ZNF385B: variants seen among roughly 807,000 people sequenced by gnomAD.
ZNF385B encodes the protein zinc finger protein 533.
In ZNF385B, 23 loss-of-function variants were observed where a neutral mutation model predicts 39.2. The ratio of observed to expected loss-of-function variants is 0.59; its 90% CI spans 0.42 to 0.83. The LOEUF (loss-of-function observed/expected upper bound fraction) is 0.83. Among genes scored for constraint, ZNF385B ranks in the 40% least tolerant of loss-of-function variants. The pLI, the probability that ZNF385B is intolerant of heterozygous loss-of-function variation, is 0.00. For missense variants in ZNF385B, 552 were observed against 598.9 expected, an observed-to-expected ratio of 0.92 and a Z score of 0.82; for synonymous variants, 205 against 222.6, an observed-to-expected ratio of 0.92 and a Z score of 0.70.
chr2:179,743,623 C>G (rs952468492), intron 3 of ZNF385B, among the ~76,000 whole-genome samples: 2 of 152,094 alleles, frequency 1.3e-5, no homozygotes, highest in Non-Finnish European at 2.9e-5. Context: ...AAAATAAATA[C>G]TCCACTAAAT....
chr2:179,833,850 G>A (rs1708108132), intron 1 of ZNF385B, among the ~76,000 whole-genome samples: 1 of 152,090 alleles, frequency 6.6e-6, no homozygotes, highest in African/African-American at 2.4e-5. Context: ...GTAACTTGTG[G>A]ACATAGCGTA....
chr2:179,493,209 T>C (rs1210457732), intron 5 of ZNF385B, among the ~76,000 whole-genome samples: 2 of 152,098 alleles, frequency 1.3e-5, no homozygotes, highest in Admixed American at 1.3e-4. Context: ...CACTGTTTTA[T>C]TATGTATCAT....
At chr2:179,580,240 C>T (rs1515309) in intron 3 of ZNF385B, among the ~76,000 whole-genome samples, 92,052 of 151,948 alleles carry the variant, frequency 0.61, 29,013 homozygotes, top group East Asian at 0.9. Context: ...TTCTTAACAT[C>T]TTATAACTCC....
chr2:179,545,053 T>C, intron 3 of ZNF385B, 84 bp from the exon 4 acceptor site: 1 of 1,566,558 alleles, frequency 6.4e-7, no homozygotes, highest in East Asian at 2.3e-5. Flanking sequence ...AACAAGTCTG[T>C]TGAGCTGCAA....
chr2:179,623,909 T>C (rs1477577367), intron 3 of ZNF385B, among the ~76,000 whole-genome samples: 1 of 152,204 alleles, frequency 6.6e-6, no homozygotes, highest in East Asian at 1.9e-4. Flanking sequence ...AAAGAGTTGT[T>C]AGACTTAAAA....
At chr2:179,491,787 C>T (rs986046674) in intron 5 of ZNF385B, among the ~76,000 whole-genome samples, 1 of 152,162 alleles carries the variant, frequency 6.6e-6, no homozygotes, top group African/African-American at 2.4e-5. Context: ...CAACCTCAGA[C>T]TCCTGGGCTC....
intron 8 of ZNF385B, 97 bp downstream of exon 8, chr2:179,445,453 T>C: frequency 8.0e-7 from 1 of 1,247,716 alleles, no homozygotes; most frequent in South Asian, 1.5e-5. Flanking sequence ...TTAGTCAACT[T>C]AACTGTGAGC....
At chr2:179,831,434 C>A (rs1707979676) in intron 1 of ZNF385B, among the ~76,000 whole-genome samples, 1 of 147,962 alleles carries the variant, frequency 6.8e-6, no homozygotes, top group African/African-American at 2.5e-5. Flanking sequence ...GAAGATCCAG[C>A]AAAACTGCAT....
chr2:179,853,900 G>T (rs956444339), intron 1 of ZNF385B, among the ~76,000 whole-genome samples: 5 of 152,164 alleles, frequency 3.3e-5, no homozygotes, highest in Non-Finnish European at 7.4e-5. Flanking sequence ...CACAAAATAT[G>T]ACTTCAGAAC....
At chr2:179,734,777 T>C (rs1272709077) in intron 3 of ZNF385B, among the ~76,000 whole-genome samples, 1 of 152,206 alleles carries the variant, frequency 6.6e-6, no homozygotes, top group Admixed American at 6.5e-5. Flanking sequence ...ATATGTATAC[T>C]GCCTGAGTGT....
chr2:179,811,541 G>A (rs1182631616), intron 1 of ZNF385B, among the ~76,000 whole-genome samples: 1 of 152,092 alleles, frequency 6.6e-6, no homozygotes, highest in Non-Finnish European at 1.5e-5. Context: ...ACAAAAATAA[G>A]CAATGGGAAA....
Position 179,488,301 on chromosome 2 carries a change from C to A in ZNF385B, c.553-4867G>T, listed in dbSNP as rs532550509. Among the ~76,000 whole-genome samples, 23 of 152,258 alleles carry A rather than the reference C, an allele frequency of 1.5e-4. 1 individual carries two copies. The highest frequency in any genetic ancestry group is 5.5e-4 in the African/African-American group (23 of 41,560). ...CTGGGACTACAGGCATGTGCCACCA[C>A]GCCCGGCTAATTTTTTTGTATTTTA... On this transcript the variant is annotated intron_variant, in intron 5 of 9. Coordinates refer to ENST00000410066, the MANE Select transcript of ZNF385B (RefSeq NM_152520.6).
In ZNF385B at chr2:179,570,675, T is replaced by C. The variant is rs190229034; in HGVS notation, c.299-25706A>G. Among the ~76,000 whole-genome samples, 9 of 152,370 alleles carry C rather than the reference T, an allele frequency of 5.9e-5. No homozygotes were observed. In the South Asian group the frequency reaches 1.0e-3, roughly 18 times the overall value. On this transcript the variant is annotated intron_variant, in intron 3 of 9. Coordinates refer to ENST00000410066, the MANE Select transcript of ZNF385B (RefSeq NM_152520.6). ...GGAGGCTGGCATTTAGAAATGCCTA[T>C]AATATCCTCAACATATTCCATTTTT... is the stretch of plus-strand genomic sequence containing the variant.
intron 3 of ZNF385B, among the ~76,000 whole-genome samples, chr2:179,676,901 TACTC>T (rs1403632384): frequency 6.6e-6 from 1 of 152,124 alleles, no homozygotes; most frequent in East Asian, 1.9e-4. Flanking sequence ...AATAGAGAAA[TACTC>T]AGGGAGTAAT....
chr2:179,696,873 T>C (rs1411578509), intron 3 of ZNF385B, among the ~76,000 whole-genome samples: 1 of 152,160 alleles, frequency 6.6e-6, no homozygotes, highest in Non-Finnish European at 1.5e-5. Flanking sequence ...TGGGACCATC[T>C]ACCATTCTTA....
intron 3 of ZNF385B, among the ~76,000 whole-genome samples, chr2:179,762,410 T>G (rs1194832558): frequency 6.6e-6 from 1 of 152,192 alleles, no homozygotes; most frequent in African/African-American, 2.4e-5. Flanking sequence ...CAGGCTGGTC[T>G]CAAACTGCTG....
At chr2:179,549,840 T>A (rs1215222144) in intron 3 of ZNF385B, among the ~76,000 whole-genome samples, 1 of 148,890 alleles carries the variant, frequency 6.7e-6, no homozygotes, top group Non-Finnish European at 1.5e-5. Context: ...AGAGTAGCAT[T>A]CAGCAAAAAT....
rs572792280 is a variant in ZNF385B at position 179,754,394 on chromosome 2, C to CT, written c.298+15108dup. 1.6e-4 allele frequency among the ~76,000 whole-genome samples: 25 copies of CT among 152,152 alleles called. No homozygotes were observed. The East Asian group carries it at 4.8e-3, about 29-fold the overall frequency. On this transcript the variant is annotated intron_variant, in intron 3 of 9. Transcript: ENST00000410066. The stretch of plus-strand genomic sequence containing the variant: ...ATCAGGGATATTGGTCTAAAATTCT[C>CT]TTTTTTGCTGTGCCTCTACCAGGCT...
intron 3 of ZNF385B, among the ~76,000 whole-genome samples, chr2:179,652,839 A>G (rs1043640616): frequency 8.7e-5 from 5 of 57,372 alleles, no homozygotes; most frequent in South Asian, 2.4e-3. Flanking sequence ...AGAATTGAGC[A>G]AAGCACCAAA....
Sources: gnomAD v4.1 joint callset for allele counts (sites outside exome capture counted in the v4.1 genomes callset) on GRCh38, gnomAD v4.1.1 for gene constraint, MANE v1.5 for transcripts, NCBI Gene and HGNC (gene_info 2026-07-23, HGNC 2026-07-21) for gene names.